Variants in PTCH2 observed in about 807,000 individuals in gnomAD.
The protein encoded by PTCH2 is protein patched homolog 2.
Under a neutral mutation model 117.9 loss-of-function variants are expected in PTCH2, and 96 were observed. That is an observed-to-expected ratio of 0.81 (90% CI 0.69 to 0.96). The LOEUF is 0.96. PTCH2 is among the 50% of genes least tolerant of loss of function. The pLI, the probability that PTCH2 is intolerant of heterozygous loss-of-function variation, is 0.00. For missense variants in PTCH2, 1,379 were observed against 1,562.5 expected (o/e 0.88, Z 1.98); for synonymous variants, 615 against 660.9 (o/e 0.93, Z 1.06).
rs11573589 is a variant in PTCH2, at chr1:44,826,811, C to A, written c.2696-43G>T. The A allele has an allele frequency of 6.2e-7, 1 of 1,606,698 alleles. No individual in the cohort carries two copies. Among genetic ancestry groups the A allele is most frequent in the Non-Finnish European group, 8.5e-7 (1 of 1,175,066 alleles). ...AGGGAGAAGAGGGAGAGGGACAGGG[C>A]GGTGAGCACGGGGCAGAGTGGGCAG... On this transcript the variant is annotated intron_variant, in intron 17 of 21. Coordinates refer to ENST00000372192, the MANE Select transcript of PTCH2 (RefSeq NM_003738.5). The surrounding 1 kb of genome is among the most constrained non-coding windows in gnomAD (Gnocchi z 5.1).
downstream of PTCH2, chr1:44,821,867 C>G (rs1436181113): frequency 2.2e-6 from 3 of 1,365,506 alleles, no homozygotes; most frequent in African/African-American, 4.4e-5. Context: ...CAGAGAAGCT[C>G]CTTCCAATAG....
Position 44,829,594 on chromosome 1 carries a change from T to G in PTCH2, c.1083+20A>C. ...AGGGAATGGCCTCAGGGCACCCCCC[T>G]TGTCCTTGTCCATACCGACCTGCAC... On this transcript the variant is annotated intron_variant, in intron 8 of 21. Transcript: ENST00000372192. 1 of 1,614,178 alleles carries G rather than the reference T, an allele frequency of 6.2e-7. No homozygotes were observed. Among genetic ancestry groups the G allele is most frequent in the Non-Finnish European group, 8.5e-7 (1 of 1,180,024 alleles).
intron 19 of PTCH2, among the ~76,000 whole-genome samples, chr1:44,825,278 C>T (rs1653091047): frequency 6.6e-6 from 1 of 151,946 alleles, no homozygotes; most frequent in East Asian, 1.9e-4. Flanking sequence ...GCTGGGATTA[C>T]AGGCATGCAC....
chr1:44,820,419 TAGAG>T, downstream of PTCH2: 3 of 654,588 alleles, frequency 4.6e-6, no homozygotes, highest in Non-Finnish European at 8.5e-6. Context: ...CCTCCGGGCT[TAGAG>T]AGAGGGACGG....
Position 44,823,158 on chromosome 1 carries a change from C to T in PTCH2, c.3268G>A (p.Ala1090Thr). The T allele has an allele frequency of 6.2e-7, 1 of 1,614,106 alleles. No individual in the cohort carries two copies. The highest frequency in any genetic ancestry group is 1.3e-5 in the African/African-American group (1 of 75,024). ...AGGAGCGTGAGCACTGTCAGCGCCG[C>T]AAAGAAGTACCTAGGGGTAGGGTGT... is the stretch of plus-strand genomic sequence containing the variant. ...HFDFIVRYFF[A>T]ALTVLTLLGL... The change falls in exon 21 of 22, where the codon GCG (alanine) becomes ACG (threonine). Residue 1090 changes from alanine (A) to threonine (T), a missense_variant. Ala to Thr is a moderately conservative substitution (Grantham distance 58). Coordinates refer to ENST00000372192, the MANE Select transcript of PTCH2 (RefSeq NM_003738.5). The surrounding 1 kb of genome is among the most constrained non-coding windows in gnomAD (Gnocchi z 5.1).
chr1:44,832,961 GGACA>G (rs1289286810), intron 2 of PTCH2, among the ~76,000 whole-genome samples: 9 of 152,182 alleles, frequency 5.9e-5, no homozygotes, highest in Middle Eastern at 6.8e-3. Context: ...AGGGAGGATG[GGACA>G]GTCATTCAGT....
chr1:44,821,926 A>G (rs1256864824), downstream of PTCH2: 1 of 1,361,610 alleles, frequency 7.3e-7, no homozygotes, highest in East Asian at 4.6e-5. Context: ...AAAGCACTGA[A>G]GTCATCTGAG....
chr1:44,826,285 C>T lies in PTCH2; in HGVS notation c.3079G>A (p.Gly1027Ser). The T allele has an allele frequency of 6.2e-7, 1 of 1,614,158 alleles. No homozygotes were observed. The highest frequency in any genetic ancestry group is 1.7e-5 in the Admixed American group (1 of 60,022). Residue 1027 changes from glycine (G) to serine (S), a missense_variant, in exon 19 of 22, where the codon GGC (glycine) becomes AGC (serine). Transcript: ENST00000372192. This position sits in a 1 kb window ranked among gnomAD's most constrained non-coding sequence, Gnocchi z 5.1. ...TGGACTGTGAACTCAACGCCAATGC[C>T]TACAGAGGCCACAAGGATCACCACG... ...IPVVILVASVGIGVEFTVHVA... is the reference protein window; with the variant it reads ...IPVVILVASVSIGVEFTVHVA...
downstream of PTCH2, among the ~76,000 whole-genome samples, chr1:44,821,231 G>A (rs1433753055): frequency 6.6e-6 from 1 of 152,088 alleles, no homozygotes; most frequent in Non-Finnish European, 1.5e-5. Flanking sequence ...TCTATTCCAG[G>A]GCTGTGGCCA....
chr1:44,822,610 G>A lies in PTCH2; in HGVS notation c.3417C>T (p.Gly1139=), dbSNP rs747942130. 30 of 1,613,874 alleles carry A rather than the reference G, an allele frequency of 1.9e-5. 1 individual carries two copies. Among genetic ancestry groups the A allele is most frequent in the East Asian group, 1.3e-4 (6 of 44,884 alleles). ...AGGAGGATGCCCCCCACCTAAGCCC[G>A]CCTCCCTGTGGAGCTGGTGGACTCA... is the stretch of plus-strand genomic sequence containing the variant. ...EILSPPAPQG[G]GLRWGASSSL... The change falls in exon 22 of 22, where the codon GGC becomes GGT. Residue 1139 remains glycine (G), a synonymous_variant. Transcript: ENST00000372192.
intron 2 of PTCH2, among the ~76,000 whole-genome samples, chr1:44,836,827 C>T (rs1185964935): frequency 6.6e-6 from 1 of 152,170 alleles, no homozygotes; most frequent in Non-Finnish European, 1.5e-5. Flanking sequence ...TGGCATGTGC[C>T]TGTAGTCCCA....
chr1:44,836,659 C>T (rs1653701233), intron 2 of PTCH2, among the ~76,000 whole-genome samples: 1 of 151,510 alleles, frequency 6.6e-6, no homozygotes, highest in African/African-American at 2.4e-5. Context: ...GAGCTGAGGT[C>T]AATCCACTGC....
downstream of PTCH2, chr1:44,821,871 C>A (rs545506477): frequency 7.3e-6 from 10 of 1,365,632 alleles, no homozygotes; most frequent in South Asian, 1.1e-4. Context: ...GAAGCTCCTT[C>A]CAATAGCTAA....
chr1:44,829,545 G>C lies in PTCH2; in HGVS notation c.1084-12C>G. On this transcript the variant is annotated splice_polypyrimidine_tract_variant and intron_variant, in intron 8 of 21. Coordinates refer to ENST00000372192, the MANE Select transcript of PTCH2 (RefSeq NM_003738.5). ...GCCTCCTGGGCCAGCTGGAGAAACA[G>C]GGTGGATAGGAGGGGGCAGGAGGAG... 6.2e-7 allele frequency: 1 copy of C among 1,614,216 alleles called. No individual in the cohort carries two copies. Among genetic ancestry groups the C allele is most frequent in the East Asian group, 2.2e-5 (1 of 44,882 alleles).
At chr1:44,833,366 T>C (rs1653542794) in intron 2 of PTCH2, among the ~76,000 whole-genome samples, 1 of 151,988 alleles carries the variant, frequency 6.6e-6, no homozygotes, top group Non-Finnish European at 1.5e-5. Context: ...TGCTGCCTGC[T>C]GGGACCCAAA....
Position 44,827,190 on chromosome 1 carries a change from G to A in PTCH2, c.2491C>T (p.Gln831Ter). 2 of 1,614,084 alleles carry A rather than the reference G, an allele frequency of 1.2e-6. No homozygotes were observed. Among genetic ancestry groups the A allele is most frequent in the Non-Finnish European group, 1.7e-6 (2 of 1,179,998 alleles). Residue 831 changes from glutamine (Q) to a stop codon, truncating the protein, a stop_gained, in exon 16 of 22, where the codon CAG becomes TAG. Coordinates refer to ENST00000372192, the MANE Select transcript of PTCH2 (RefSeq NM_003738.5). LOFTEE classifies it high-confidence loss of function. ...YKLLIQTGDA[Q>*]EPLDFSQLTT... Reference sequence around the variant, plus strand: ...ACCTGGCTGAAATCCAGAGGCTCCTGGGCGTCTCCAGTCTGGATGAGCAGC... The same window carrying A: ...ACCTGGCTGAAATCCAGAGGCTCCTAGGCGTCTCCAGTCTGGATGAGCAGC...
chr1:44,824,751 C>T (rs1365257879), intron 19 of PTCH2, among the ~76,000 whole-genome samples: 3 of 152,170 alleles, frequency 2.0e-5, no homozygotes, highest in African/African-American at 7.2e-5. Context: ...TGGCTTACTG[C>T]AGCCTCTGCC....
downstream of PTCH2, chr1:44,820,344 C>T (rs1303282880): frequency 1.9e-6 from 1 of 527,336 alleles, no homozygotes; most frequent in African/African-American, 1.9e-5. Flanking sequence ...GTGCGGAGTC[C>T]TTTGCGGAGC....
At chr1:44,841,186 A>G (rs1036194773) in intron 2 of PTCH2, among the ~76,000 whole-genome samples, 22 of 136,072 alleles carry the variant, frequency 1.6e-4, no homozygotes, top group African/African-American at 5.6e-4. Flanking sequence ...CAAACAAACA[A>G]AAAAACAACC....
Sources: gnomAD v4.1 joint callset for allele counts (sites outside exome capture counted in the v4.1 genomes callset) on GRCh38, gnomAD v4.1.1 for gene constraint, Gnocchi (gnomAD v3.1) non-coding constraint, MANE v1.5 for transcripts, NCBI Gene and HGNC (gene_info 2026-07-23, HGNC 2026-07-21) for gene names.